Variants in DCLK2 observed in about 807,000 individuals in gnomAD.
DCLK2 encodes the protein doublecortin like kinase 2.
A neutral mutation model predicts 78.4 loss-of-function variants in DCLK2; 31 were observed. The observed-to-expected ratio is 0.40, with a 90% CI of 0.30 to 0.53. DCLK2 has a LOEUF of 0.53. Ranked by LOEUF, DCLK2 falls within the 20% of genes least tolerant of loss-of-function variation. The pLI is 0.61. For synonymous variants in DCLK2, 407 were observed against 374.9 expected (o/e 1.09, Z -0.99); for missense variants, 872 against 973.7 (o/e 0.90, Z 1.39).
chr4:150,086,890 A>G (rs1729689953), intron 1 of DCLK2, among the ~76,000 whole-genome samples: 1 of 152,312 alleles, frequency 6.6e-6, no homozygotes, highest in East Asian at 1.9e-4. Flanking sequence ...TTCAGTGTCT[A>G]CAGGAGTTCT....
chr4:150,187,719 G>A (rs1738059377), intron 2 of DCLK2, among the ~76,000 whole-genome samples: 1 of 152,110 alleles, frequency 6.6e-6, no homozygotes, highest in African/African-American at 2.4e-5. Context: ...ACTTTAAATG[G>A]GTGGAGGCTG....
At chr4:150,160,116 G>T (rs1382750808) in intron 2 of DCLK2, among the ~76,000 whole-genome samples, 1 of 152,010 alleles carries the variant, frequency 6.6e-6, no homozygotes, top group Non-Finnish European at 1.5e-5. Context: ...CCAGGCTTAA[G>T]TGGTTTTCCC....
rs920733236 is a variant in DCLK2, at chr4:150,247,757, C to T, written c.1875+58C>T. The T allele has an allele frequency of 2.9e-6, 4 of 1,395,056 alleles. No homozygotes were observed. In the African/African-American group the frequency reaches 4.2e-5, roughly 15 times the overall value. 86.4% of individuals were successfully genotyped at this position (1,395,056 alleles called of 1,614,324 possible). On this transcript the variant is annotated intron_variant, in intron 13 of 15. Coordinates refer to ENST00000296550, the MANE Select transcript of DCLK2 (RefSeq NM_001040260.4). ...TACGTTGTGGGGTCCTCACCCATTG[C>T]ACAGGGCTGTAGCTGCGCTAGGTAT... is the stretch of plus-strand genomic sequence containing the variant.
At chr4:150,192,243 G>A (rs1427598052) in intron 2 of DCLK2, among the ~76,000 whole-genome samples, 1 of 152,060 alleles carries the variant, frequency 6.6e-6, no homozygotes, top group African/African-American at 2.4e-5. Flanking sequence ...CACTTTAGGA[G>A]GCCGAGGCAG....
At chr4:150,203,424 AG>A (rs1739596433) in intron 4 of DCLK2, among the ~76,000 whole-genome samples, 1 of 152,166 alleles carries the variant, frequency 6.6e-6, no homozygotes, top group African/African-American at 2.4e-5. Flanking sequence ...TGGATATTGA[AG>A]GTTATGGAAC....
At chr4:150,133,431 G>A (rs1418658011) in intron 2 of DCLK2, among the ~76,000 whole-genome samples, 1 of 152,230 alleles carries the variant, frequency 6.6e-6, no homozygotes, top group Non-Finnish European at 1.5e-5. Context: ...TGTGAATAAT[G>A]AGCATTGAAC....
At chr4:150,133,577 A>C (rs1469490914) in intron 2 of DCLK2, among the ~76,000 whole-genome samples, 1 of 152,240 alleles carries the variant, frequency 6.6e-6, no homozygotes, top group African/African-American at 2.4e-5. Flanking sequence ...ATATATAATA[A>C]ACCAAGGCAG....
At chr4:150,171,852 A>G (rs543695386) in intron 2 of DCLK2, among the ~76,000 whole-genome samples, 4 of 152,222 alleles carry the variant, frequency 2.6e-5, no homozygotes, top group Admixed American at 6.5e-5. Flanking sequence ...TGGCTGGTCT[A>G]CTCATTCCAC....
chr4:150,082,160 A>G (rs1270134026), intron 1 of DCLK2, among the ~76,000 whole-genome samples: 2 of 152,210 alleles, frequency 1.3e-5, no homozygotes, highest in African/African-American at 2.4e-5. Flanking sequence ...TTGCATTAGT[A>G]AAAATAAGTC....
At chr4:150,151,330 TTATC>T (rs913592594) in intron 2 of DCLK2, among the ~76,000 whole-genome samples, 13 of 152,260 alleles carry the variant, frequency 8.5e-5, no homozygotes, top group African/African-American at 3.1e-4. Context: ...CCTAGTCAGT[TTATC>T]TAAGCCCATG....
chr4:150,111,851 C>T (rs1230019026), intron 2 of DCLK2, among the ~76,000 whole-genome samples: 1 of 152,118 alleles, frequency 6.6e-6, no homozygotes, highest in Non-Finnish European at 1.5e-5. Context: ...CAGTACCATC[C>T]TGATTTGCTA....
At chr4:150,247,386 C>G (rs763814671) in intron 12 of DCLK2, among the ~76,000 whole-genome samples, 7 of 152,172 alleles carry the variant, frequency 4.6e-5, no homozygotes, top group Non-Finnish European at 8.8e-5. Context: ...TTGTCTCTGT[C>G]TCTTTAATTC....
At position 150,102,949 on chromosome 4, in the gene DCLK2, GTGTA is replaced by G. The variant is rs1219878905; in HGVS notation, c.756+141_756+144del. The G allele has an allele frequency of 8.7e-5, 68 of 779,762 alleles. No individual in the cohort carries two copies. The East Asian group carries it at 1.1e-3, about 13-fold the overall frequency. 48.3% of individuals were successfully genotyped at this position (779,762 alleles called of 1,614,324 possible). On this transcript the variant is annotated intron_variant, in intron 2 of 15. Coordinates refer to ENST00000296550, the MANE Select transcript of DCLK2 (RefSeq NM_001040260.4). ...GTCATACTTGAGATTGTGTGTGTGT[GTGTA>G]TGTGTGTGTGTGTGTATGTATGTAA... is the stretch of plus-strand genomic sequence containing the variant.
chr4:150,190,537 C>G (rs1180753897), intron 2 of DCLK2, among the ~76,000 whole-genome samples: 1 of 152,006 alleles, frequency 6.6e-6, no homozygotes, highest in African/African-American at 2.4e-5. Context: ...GTAAAAGAAG[C>G]CAGTCATCAA....
intron 15 of DCLK2, among the ~76,000 whole-genome samples, chr4:150,251,854 TC>T (rs1272820358): frequency 6.6e-6 from 1 of 150,956 alleles, no homozygotes; most frequent in Admixed American, 6.6e-5. Context: ...TTCTCTTCTG[TC>T]CCCCGGCTGC....
intron 10 of DCLK2, among the ~76,000 whole-genome samples, chr4:150,238,424 C>G (rs1742667338): frequency 6.6e-6 from 1 of 151,962 alleles, no homozygotes; most frequent in African/African-American, 2.4e-5. Flanking sequence ...ATCTCTATTC[C>G]CCTAGAGTAG....
intron 10 of DCLK2, among the ~76,000 whole-genome samples, chr4:150,234,219 C>A (rs147488298): frequency 2.5e-4 from 38 of 152,322 alleles, no homozygotes; most frequent in Non-Finnish European, 3.5e-4. Context: ...GTTAAGTCTT[C>A]TTTAACATCA....
intron 5 of DCLK2, among the ~76,000 whole-genome samples, chr4:150,212,497 T>TAA (rs1740392896): frequency 6.6e-6 from 1 of 152,266 alleles, no homozygotes; most frequent in Non-Finnish European, 1.5e-5. Flanking sequence ...ACTAAGAAAC[T>TAA]GACCACTTCT....
chr4:150,116,362 T>C (rs1396030987), intron 2 of DCLK2, among the ~76,000 whole-genome samples: 1 of 152,186 alleles, frequency 6.6e-6, no homozygotes, highest in East Asian at 1.9e-4. Flanking sequence ...AGGTGCAGAC[T>C]TTCCCTGCTG....
Sources: allele counts gnomAD v4.1 joint callset (sites outside exome capture counted in the v4.1 genomes callset), GRCh38; gene constraint gnomAD v4.1.1; transcripts MANE v1.5; gene names NCBI Gene and HGNC (gene_info 2026-07-23, HGNC 2026-07-21).